The following ANK3 variants were observed in gnomAD, a reference collection of about 807,000 sequenced individuals.
ANK3 encodes the protein ankyrin 3.
In ANK3, 57 loss-of-function variants were observed where a neutral mutation model predicts 370.9. The observed-to-expected ratio is 0.15, with a 90% CI of 0.12 to 0.19. ANK3 has a LOEUF of 0.19. Among genes scored for constraint, ANK3 ranks in the 10% least tolerant of loss-of-function variants. The probability of loss-of-function intolerance (pLI) is 1.00; values close to 1 mark genes in which losing one functional copy is unlikely to be tolerated. For synonymous variants in ANK3, 1,929 were observed against 1,946.3 expected, an observed-to-expected ratio of 0.99 and a Z score of 0.23; for missense variants, 4,439 against 5,302.1, an observed-to-expected ratio of 0.84 and a Z score of 5.06.
At chr10:60,723,691 C>G (rs921192649) in intron 1 of ANK3, among the ~76,000 whole-genome samples, 2 of 152,116 alleles carry the variant, frequency 1.3e-5, no homozygotes, top group Admixed American at 1.3e-4. Context: ...CCATTAGGGC[C>G]CCTTTTTTTA....
chr10:60,098,458 T>C (rs1439990084), intron 28 of ANK3, among the ~76,000 whole-genome samples: 1 of 152,152 alleles, frequency 6.6e-6, no homozygotes, highest in Non-Finnish European at 1.5e-5. Flanking sequence ...TTATAGAATA[T>C]GTAGAACAAC....
chr10:60,143,274 T>A (rs1425985221), intron 23 of ANK3, among the ~76,000 whole-genome samples: 5 of 152,284 alleles, frequency 3.3e-5, no homozygotes, highest in Admixed American at 3.3e-4. Context: ...CACACTCCTT[T>A]CAATGAACAA....
At chr10:60,122,802 A>G (rs1434321684) in intron 25 of ANK3, among the ~76,000 whole-genome samples, 1 of 152,240 alleles carries the variant, frequency 6.6e-6, no homozygotes, top group Non-Finnish European at 1.5e-5. Context: ...GGTGGAAAAC[A>G]GCAAAAATAA....
Position 60,208,113 on chromosome 10 carries a change from C to T in ANK3, c.1117G>A (p.Val373Met). 1 of 1,614,074 alleles carries T rather than the reference C, an allele frequency of 6.2e-7. No individual in the cohort carries two copies. The highest frequency in any genetic ancestry group is 8.5e-7 in the Non-Finnish European group (1 of 1,179,990). The change falls in exon 10 of 44, where the codon GTG (valine) becomes ATG (methionine). Residue 373 changes from valine to methionine, a missense_variant. Val to Met is a conservative substitution (Grantham distance 21). Transcript: ENST00000280772. Reference protein sequence around the residue: ...VTNDYLTALHVAAHCGHYKVA... With the variant: ...VTNDYLTALHMAAHCGHYKVA... ...TTGTAATGGCCACAGTGGGCAGCCA[C>T]GTGTAGGGCAGTCAGGTAGTCATTG... is the stretch of plus-strand genomic sequence containing the variant.
chr10:60,606,460 A>G (rs920682161), intron 2 of ANK3, among the ~76,000 whole-genome samples: 14 of 152,182 alleles, frequency 9.2e-5, no homozygotes, highest in Non-Finnish European at 1.5e-5. Flanking sequence ...TTTTAAAAGT[A>G]TGGCTTGTAT....
chr10:60,164,970 G>GATA (rs1469317163), intron 23 of ANK3, among the ~76,000 whole-genome samples: 11 of 152,110 alleles, frequency 7.2e-5, no homozygotes, highest in Non-Finnish European at 1.5e-4. Flanking sequence ...CCCAAGCTGA[G>GATA]ATAAACACAT....
intron 2 of ANK3, among the ~76,000 whole-genome samples, chr10:60,454,842 G>T (rs979028203): frequency 5.9e-5 from 9 of 152,114 alleles, no homozygotes; most frequent in Non-Finnish European, 1.3e-4. Flanking sequence ...TTAACATAGT[G>T]AAACCTTATA....
intron 1 of ANK3, among the ~76,000 whole-genome samples, chr10:60,696,480 G>A (rs1480040907): frequency 1.3e-5 from 2 of 151,490 alleles, no homozygotes; most frequent in East Asian, 3.9e-4. Context: ...TATCCTTGAT[G>A]AACATTGATG....
chr10:60,482,658 T>C (rs936088615), intron 2 of ANK3, among the ~76,000 whole-genome samples: 3 of 152,114 alleles, frequency 2.0e-5, no homozygotes, highest in Admixed American at 2.0e-4. Context: ...GGCTAATTTT[T>C]GTAATTTTTG....
chr10:60,604,551 G>C (rs1277952021), intron 2 of ANK3, among the ~76,000 whole-genome samples: 1 of 152,098 alleles, frequency 6.6e-6, no homozygotes, highest in East Asian at 1.9e-4. Flanking sequence ...TCCTCTCCTG[G>C]TTGCATAGCA....
intron 2 of ANK3, among the ~76,000 whole-genome samples, chr10:60,436,001 T>C (rs2064146708): frequency 6.6e-6 from 1 of 151,258 alleles, no homozygotes; most frequent in Non-Finnish European, 1.5e-5. Flanking sequence ...GGCAGGAGAA[T>C]GGCTTGAACC....
Position 60,075,748 on chromosome 10 carries a change from T to G in ANK3, c.5133A>C (p.Ala1711=). 1 of 1,614,178 alleles carries G rather than the reference T, an allele frequency of 6.2e-7. No individual in the cohort carries two copies. The highest frequency in any genetic ancestry group is 1.1e-5 in the South Asian group (1 of 91,086). The change falls in exon 37 of 44, where the codon GCA becomes GCC. Residue 1711 remains alanine, a synonymous_variant. Transcript: ENST00000280772. ...TAGATCCATTGACTAATGCTACCTC[T>G]GCATGTCCAGGCATCTGCTTCACAG... ...SSPVKQMPGH[A]EVALVNGSIS... is the part of the protein sequence containing the mutation.
intron 2 of ANK3, among the ~76,000 whole-genome samples, chr10:60,542,462 T>C (rs1477647316): frequency 2.0e-5 from 3 of 151,942 alleles, no homozygotes; most frequent in Non-Finnish European, 4.4e-5. Flanking sequence ...TTTATTTCGT[T>C]TTTGTTTTTC....
chr10:60,722,325 T>C (rs955154719), intron 1 of ANK3, among the ~76,000 whole-genome samples: 4 of 152,084 alleles, frequency 2.6e-5, no homozygotes, highest in Non-Finnish European at 5.9e-5. Context: ...ACACCTGTAG[T>C]GCCACCAGCT....
chr10:60,467,090 G>A (rs10761504), intron 2 of ANK3, among the ~76,000 whole-genome samples: 52,058 of 151,896 alleles, frequency 0.34, 9,124 homozygotes, highest in East Asian at 0.51. Flanking sequence ...TTATATCTCA[G>A]TAAAGCTATT....
chr10:60,059,689 G>T lies in ANK3; in HGVS notation c.12596-259C>A, dbSNP rs770221013. 2.5e-6 allele frequency: 4 copies of T among 1,604,726 alleles called. No homozygotes were observed. The East Asian group carries it at 6.7e-5, about 27-fold the overall frequency. On this transcript the variant is annotated intron_variant, in intron 40 of 43. Coordinates refer to ENST00000280772, the MANE Select transcript of ANK3 (RefSeq NM_020987.5). ...CCAGCCAAATTTCCAAGGTATTGAGGATACTCACTCAGACATACATTCTCC... is the reference window on the plus strand; with the variant it reads ...CCAGCCAAATTTCCAAGGTATTGAGTATACTCACTCAGACATACATTCTCC...
intron 38 of ANK3, among the ~76,000 whole-genome samples, chr10:60,065,730 G>A (rs766883355): frequency 9.2e-5 from 14 of 151,984 alleles, no homozygotes; most frequent in East Asian, 1.9e-4. Flanking sequence ...AGATCTCCCC[G>A]GAACAGAATT....
intron 1 of ANK3, among the ~76,000 whole-genome samples, chr10:60,360,650 A>C (rs1382213724): frequency 6.6e-6 from 1 of 152,144 alleles, no homozygotes; most frequent in African/African-American, 2.4e-5. Context: ...TTGAGGCTGC[A>C]GTTCACGCCA....
chr10:60,404,609 T>C (rs771473508), intron 2 of ANK3, among the ~76,000 whole-genome samples: 5 of 152,060 alleles, frequency 3.3e-5, no homozygotes, highest in Non-Finnish European at 5.9e-5. Context: ...AAAACTAAAC[T>C]CTAAAGCATT....
Sources: allele counts gnomAD v4.1 joint callset (sites outside exome capture counted in the v4.1 genomes callset), GRCh38; gene constraint gnomAD v4.1.1; transcripts MANE v1.5; gene names NCBI Gene and HGNC (gene_info 2026-07-23, HGNC 2026-07-21).